Variants in SEPTIN7 observed in about 807,000 individuals in gnomAD.
SEPTIN7 encodes septin 7.
In SEPTIN7, 10 loss-of-function variants were observed where a neutral mutation model predicts 63.3. That is an observed-to-expected ratio of 0.16 (90% CI 0.10 to 0.27). SEPTIN7 has a LOEUF of 0.27. Among genes scored for constraint, SEPTIN7 ranks in the 10% least tolerant of loss-of-function variants. SEPTIN7 has a pLI of 1.00. For synonymous variants in SEPTIN7, 131 were observed against 165.3 expected (o/e 0.79, Z 1.59); for missense variants, 310 against 521.0 (o/e 0.59, Z 3.94).
rs181614894 is a variant in SEPTIN7 at position 35,871,520 on chromosome 7, G to T, written c.277-1146G>T. ...CATAATAGTTGATACCCTAGGATTT[G>T]GAGATGCAGTGTGGATACACAACAA... On this transcript the variant is annotated intron_variant, in intron 4 of 13. Coordinates refer to ENST00000350320, the MANE Select transcript of SEPTIN7 (RefSeq NM_001788.6). Among the ~76,000 whole-genome samples, 45 of 152,328 alleles carry T rather than the reference G, an allele frequency of 3.0e-4. 1 individual carries two copies. The East Asian group carries it at 7.3e-3, about 25-fold the overall frequency.
At chr7:35,881,304 T>C (rs991001491) in intron 7 of SEPTIN7, among the ~76,000 whole-genome samples, 3 of 151,852 alleles carry the variant, frequency 2.0e-5, no homozygotes, top group Non-Finnish European at 2.9e-5. Flanking sequence ...TTATTATGTG[T>C]TTCGATTTGG....
At chr7:35,836,520 T>C (rs1437078675) in intron 3 of SEPTIN7, among the ~76,000 whole-genome samples, 1 of 152,138 alleles carries the variant, frequency 6.6e-6, no homozygotes, top group Non-Finnish European at 1.5e-5. Flanking sequence ...CTATGCCACA[T>C]GTGTTTAGTG....
chr7:35,903,329 G>A, intron 13 of SEPTIN7, 114 bp downstream of exon 13: 2 of 1,397,012 alleles, frequency 1.4e-6, no homozygotes, highest in Non-Finnish European at 1.9e-6. Flanking sequence ...CCATTATCAT[G>A]CATTCCAAAC....
At chr7:35,867,987 C>T (rs2116185753) in intron 4 of SEPTIN7, among the ~76,000 whole-genome samples, 1 of 151,920 alleles carries the variant, frequency 6.6e-6, no homozygotes, top group East Asian at 1.9e-4. Flanking sequence ...ATTCTCCTGC[C>T]TTAGCCTCCC....
At chr7:35,829,048 C>T (rs1783668745) in intron 1 of SEPTIN7, among the ~76,000 whole-genome samples, 1 of 151,868 alleles carries the variant, frequency 6.6e-6, no homozygotes, top group African/African-American at 2.4e-5. Flanking sequence ...ATGATCAGGC[C>T]CCTGCTTGCC....
intron 3 of SEPTIN7, among the ~76,000 whole-genome samples, chr7:35,839,276 T>G (rs1784283851): frequency 6.6e-6 from 1 of 152,204 alleles, no homozygotes; most frequent in Non-Finnish European, 1.5e-5. Flanking sequence ...ATAATAATCA[T>G]TAATATATGC....
chr7:35,806,352 C>T (rs916473125), intron 1 of SEPTIN7, among the ~76,000 whole-genome samples: 6 of 152,146 alleles, frequency 3.9e-5, no homozygotes, highest in African/African-American at 1.2e-4. Context: ...TCAGTAATTA[C>T]TGGACATAGA....
chr7:35,888,888 G>A (rs561937834), intron 10 of SEPTIN7: 120 of 322,694 alleles, frequency 3.7e-4, no homozygotes, highest in African/African-American at 2.6e-3. Flanking sequence ...TATTGGCATA[G>A]GTATTTGTTA....
At chr7:35,846,273 T>C (rs1196726970) in intron 3 of SEPTIN7, among the ~76,000 whole-genome samples, 1 of 152,214 alleles carries the variant, frequency 6.6e-6, no homozygotes, top group African/African-American at 2.4e-5. Context: ...ATAATACGCT[T>C]AGCCTGCCTC....
In SEPTIN7 at chr7:35,842,013, C is replaced by T. The variant is rs535845220; in HGVS notation, c.169+9113C>T. On this transcript the variant is annotated intron_variant, in intron 3 of 13. Coordinates refer to ENST00000350320, the MANE Select transcript of SEPTIN7 (RefSeq NM_001788.6). ...AATATCACCTTCTGCTTAGCTATGA[C>T]TACAGTCTAGCACCAAAGGAGGTCA... Among the ~76,000 whole-genome samples, 20 of 152,236 alleles carry T rather than the reference C, an allele frequency of 1.3e-4. No homozygotes were observed. In the South Asian group the frequency reaches 3.9e-3, roughly 30 times the overall value.
the SEPTIN7 span, among the ~76,000 whole-genome samples, chr7:35,915,684 C>T: frequency 2.0e-5 from 3 of 152,180 alleles, no homozygotes; most frequent in African/African-American, 7.2e-5. Flanking sequence ...TCATATCCAC[C>T]GCAAACAGGC....
intron 4 of SEPTIN7, among the ~76,000 whole-genome samples, chr7:35,868,089 C>T (rs1398350539): frequency 6.6e-6 from 1 of 152,004 alleles, no homozygotes; most frequent in Non-Finnish European, 1.5e-5. Flanking sequence ...AGGCTGGTCT[C>T]GAACTCCCGA....
intron 3 of SEPTIN7, among the ~76,000 whole-genome samples, chr7:35,855,120 A>G (rs1785141824): frequency 2.0e-5 from 3 of 152,062 alleles, no homozygotes; most frequent in Admixed American, 1.3e-4. Context: ...TACACCAGGC[A>G]TTCCTACGTC....
chr7:35,828,588 A>G (rs1783640421), intron 1 of SEPTIN7, among the ~76,000 whole-genome samples: 1 of 152,160 alleles, frequency 6.6e-6, no homozygotes, highest in Non-Finnish European at 1.5e-5. Context: ...CATGTTGGCC[A>G]AGATGTTCTC....
intron 3 of SEPTIN7, among the ~76,000 whole-genome samples, chr7:35,856,515 T>A (rs1193189400): frequency 2.6e-5 from 4 of 152,252 alleles, no homozygotes; most frequent in African/African-American, 9.6e-5. Flanking sequence ...TTGCCTTGTG[T>A]CCTCACTGCT....
intron 1 of SEPTIN7, among the ~76,000 whole-genome samples, chr7:35,805,855 C>A (rs1352941252): frequency 6.6e-6 from 1 of 152,144 alleles, no homozygotes; most frequent in Non-Finnish European, 1.5e-5. Context: ...GTTGTAACAT[C>A]TTAATTCTGT....
At chr7:35,861,309 A>G (rs558429253) in intron 3 of SEPTIN7, among the ~76,000 whole-genome samples, 1 of 152,098 alleles carries the variant, frequency 6.6e-6, no homozygotes, top group African/African-American at 2.4e-5. Flanking sequence ...GTTTCTGGAA[A>G]TTTTTGTTCC....
downstream of SEPTIN7, among the ~76,000 whole-genome samples, chr7:35,911,972 T>G (rs1446487084): frequency 2.0e-5 from 3 of 152,224 alleles, no homozygotes; most frequent in Non-Finnish European, 4.4e-5. Context: ...GGAAGCTCTG[T>G]GATTTCAATG....
intron 1 of SEPTIN7, among the ~76,000 whole-genome samples, chr7:35,819,063 T>C (rs1199515371): frequency 6.6e-6 from 1 of 152,140 alleles, no homozygotes; most frequent in Non-Finnish European, 1.5e-5. Context: ...TGTGAGATCT[T>C]TCTTTTTAAT....
Sources: gnomAD v4.1 joint callset for allele counts (sites outside exome capture counted in the v4.1 genomes callset) on GRCh38, gnomAD v4.1.1 for gene constraint, MANE v1.5 for transcripts, NCBI Gene and HGNC (gene_info 2026-07-23, HGNC 2026-07-21) for gene names.